KCNQ5: variants seen among roughly 807,000 people sequenced by gnomAD.
The protein encoded by KCNQ5 is potassium voltage-gated channel subfamily Q member 5.
KCNQ5 carries 30 observed loss-of-function variants against 98.2 expected under a neutral mutation model. That is an observed-to-expected ratio of 0.31 (90% confidence interval 0.23 to 0.41). KCNQ5 has a LOEUF of 0.41. KCNQ5 is among the 10% of genes least tolerant of loss of function. KCNQ5 has a pLI of 1.00. For missense variants in KCNQ5, 835 were observed against 1,182.5 expected (o/e 0.71, Z 4.31); for synonymous variants, 458 against 449.4 (o/e 1.02, Z -0.24).
intron 3 of KCNQ5, among the ~76,000 whole-genome samples, chr6:73,049,052 G>A (rs983501414): frequency 1.3e-5 from 2 of 152,238 alleles, no homozygotes; most frequent in Admixed American, 6.5e-5. Context: ...TTTCAAAGTG[G>A]TGCCTGCAAT....
chr6:72,624,975 G>A (rs1293154171), intron 1 of KCNQ5, among the ~76,000 whole-genome samples: 2 of 152,130 alleles, frequency 1.3e-5, no homozygotes, highest in Non-Finnish European at 1.5e-5. Context: ...AAATAATTTC[G>A]AGAGAGGTGT....
intron 1 of KCNQ5, among the ~76,000 whole-genome samples, chr6:72,759,088 C>G (rs1037351004): frequency 6.6e-6 from 1 of 152,124 alleles, no homozygotes; most frequent in South Asian, 2.1e-4. Flanking sequence ...GTCAAAGGTA[C>G]CACGTGATAC....
chr6:72,917,682 A>G (rs1279659035), intron 1 of KCNQ5, among the ~76,000 whole-genome samples: 2 of 152,072 alleles, frequency 1.3e-5, no homozygotes, highest in East Asian at 1.9e-4. Context: ...CATGTTGGCC[A>G]GGATGGTCTC....
At chr6:73,099,744 C>T (rs1244826692) in intron 5 of KCNQ5, among the ~76,000 whole-genome samples, 2 of 152,186 alleles carry the variant, frequency 1.3e-5, no homozygotes, top group Non-Finnish European at 2.9e-5. Flanking sequence ...GAAACGTCAA[C>T]ACCCAACTTT....
intron 1 of KCNQ5, among the ~76,000 whole-genome samples, chr6:72,946,588 T>C (rs945078248): frequency 6.6e-6 from 1 of 152,082 alleles, no homozygotes; most frequent in East Asian, 1.9e-4. Context: ...TAGAGAAAAA[T>C]CAAAAGCCTA....
intron 11 of KCNQ5, among the ~76,000 whole-genome samples, chr6:73,178,409 A>G (rs1778293727): frequency 6.6e-6 from 1 of 150,618 alleles, no homozygotes; most frequent in Admixed American, 6.7e-5. Context: ...GAAACATAGC[A>G]AGACCCATCT....
chr6:73,141,783 T>C (rs949791702), intron 10 of KCNQ5, among the ~76,000 whole-genome samples: 1 of 152,234 alleles, frequency 6.6e-6, no homozygotes, highest in Non-Finnish European at 1.5e-5. Context: ...GCAAAGTGTG[T>C]GTGCATGTCC....
chr6:72,950,685 G>A (rs763997397), intron 1 of KCNQ5, among the ~76,000 whole-genome samples: 41 of 146,214 alleles, frequency 2.8e-4, no homozygotes, highest in African/African-American at 8.6e-4. Context: ...TGTGTGTGTC[G>A]GAGGGCATTG....
At chr6:73,157,498 C>T (rs1777412646) in intron 10 of KCNQ5, 1 of 706,612 alleles carries the variant, frequency 1.4e-6, no homozygotes, top group Admixed American at 2.0e-5. Context: ...ACCAACTCCC[C>T]GGTGACCAGA....
rs58093028 is a variant in KCNQ5, at chr6:72,778,540, G to GAA, written c.398+155964_398+155965dup. 4.7e-4 allele frequency among the ~76,000 whole-genome samples: 66 copies of GAA among 140,676 alleles called. 1 individual carries two copies. Among genetic ancestry groups the GAA allele is most frequent in the South Asian group, 1.1e-3 (5 of 4,488 alleles). The allele number at this position is 140,676 out of a possible 152,430, so 92.3% of individuals were successfully genotyped here. On this transcript the variant is annotated intron_variant, in intron 1 of 13. Coordinates refer to ENST00000370398, the MANE Select transcript of KCNQ5 (RefSeq NM_019842.4). ...GGAGACACAGCAAGACCCTGTCACA[G>GAA]AAAAAAAAAAAAGAATATACTGTAT...
rs9442870 is a variant in KCNQ5 at position 72,937,769 on chromosome 6, A to T, written c.399-66139A>T. 4.7e-3 allele frequency among the ~76,000 whole-genome samples: 710 copies of T among 152,138 alleles called. 4 individuals are homozygous for T. The highest frequency in any genetic ancestry group is 0.016 in the African/African-American group (676 of 41,520). ...TGTGTAAACCTCATTTTAAAGTAAAATTTTTTTTATTTTAATACATAAAAT... is the reference window on the plus strand; with the variant it reads ...TGTGTAAACCTCATTTTAAAGTAAATTTTTTTTTATTTTAATACATAAAAT... On this transcript the variant is annotated intron_variant, in intron 1 of 13. Transcript: ENST00000370398.
intron 1 of KCNQ5, among the ~76,000 whole-genome samples, chr6:72,833,702 G>C (rs1019965502): frequency 1.3e-5 from 2 of 151,976 alleles, no homozygotes; most frequent in African/African-American, 4.8e-5. Context: ...CTGGAATTAA[G>C]TTAATGTTTA....
At chr6:72,730,950 T>A (rs1184104981) in intron 1 of KCNQ5, among the ~76,000 whole-genome samples, 2 of 123,312 alleles carry the variant, frequency 1.6e-5, no homozygotes, top group African/African-American at 9.1e-5. Context: ...TACGCATTTC[T>A]ATTTATGTAT....
intron 2 of KCNQ5, among the ~76,000 whole-genome samples, chr6:73,037,075 G>A (rs753962222): frequency 1.2e-4 from 19 of 152,046 alleles, no homozygotes; most frequent in Non-Finnish European, 2.2e-4. Flanking sequence ...ATACCATTGC[G>A]ATCTAATTTG....
chr6:72,833,347 T>G (rs1013619776), intron 1 of KCNQ5, among the ~76,000 whole-genome samples: 1 of 152,196 alleles, frequency 6.6e-6, no homozygotes, highest in Admixed American at 6.5e-5. Context: ...CCCAAAGTTC[T>G]GGAACCATCA....
rs374594102 is a variant in KCNQ5 at position 72,893,552 on chromosome 6, T to C, written c.399-110356T>C. 4.6e-5 allele frequency among the ~76,000 whole-genome samples: 7 copies of C among 152,190 alleles called. No individual in the cohort carries two copies. The East Asian group carries it at 1.2e-3, about 25-fold the overall frequency. On this transcript the variant is annotated intron_variant, in intron 1 of 13. Transcript: ENST00000370398. ...GAGAGCCAGGCACCATGTTAAAATC[T>C]GGTTAAACTAAATATTGTACTGTTT...
intron 1 of KCNQ5, among the ~76,000 whole-genome samples, chr6:72,704,785 G>A (rs961033975): frequency 1.2e-4 from 18 of 151,916 alleles, no homozygotes; most frequent in Admixed American, 9.8e-4. Flanking sequence ...CAAACAACAT[G>A]CTATGTCTTT....
intron 1 of KCNQ5, among the ~76,000 whole-genome samples, chr6:72,655,516 G>A (rs1051387157): frequency 2.0e-5 from 3 of 152,166 alleles, no homozygotes; most frequent in Middle Eastern, 3.4e-3. Flanking sequence ...AGAGAGGAAC[G>A]GGGAGTAAGA....
At chr6:72,988,852 G>C (rs1337235123) in intron 1 of KCNQ5, among the ~76,000 whole-genome samples, 1 of 95,374 alleles carries the variant, frequency 1.0e-5, no homozygotes, top group East Asian at 3.1e-4. Flanking sequence ...TCCCCTTCCT[G>C]TGTCCATGTG....
Sources: gnomAD v4.1 joint callset for allele counts (sites outside exome capture counted in the v4.1 genomes callset) on GRCh38, gnomAD v4.1.1 for gene constraint, MANE v1.5 for transcripts, NCBI Gene and HGNC (gene_info 2026-07-23, HGNC 2026-07-21) for gene names.